The following KDM4C variants were observed in gnomAD, a reference collection of about 807,000 sequenced individuals.
KDM4C encodes lysine demethylase 4C.
KDM4C carries 81 observed loss-of-function variants against 129.3 expected under a neutral mutation model. That is an observed-to-expected ratio of 0.63 (90% CI 0.52 to 0.75). KDM4C has a LOEUF of 0.75. Ranked by LOEUF, KDM4C falls within the 30% of genes least tolerant of loss-of-function variation. The pLI, the probability that KDM4C is intolerant of heterozygous loss-of-function variation, is 0.00. For missense variants in KDM4C, 1,457 were observed against 1,304.0 expected, an observed-to-expected ratio of 1.12 and a Z score of -1.81; for synonymous variants, 573 against 456.1, an observed-to-expected ratio of 1.26 and a Z score of -3.26.
At chr9:7,048,761 C>T (rs764187052) in intron 16 of KDM4C, among the ~76,000 whole-genome samples, 3 of 152,084 alleles carry the variant, frequency 2.0e-5, no homozygotes, top group Non-Finnish European at 4.4e-5. Context: ...ACTTTAAGCA[C>T]ATACATGCAT....
At chr9:7,073,561 G>C (rs1833501371) in intron 17 of KDM4C, among the ~76,000 whole-genome samples, 1 of 152,142 alleles carries the variant, frequency 6.6e-6, no homozygotes, top group South Asian at 2.1e-4. Flanking sequence ...ATTGTTTCCA[G>C]TATTTTCCAA....
chr9:7,123,385 A>T (rs1444228415), intron 18 of KDM4C, among the ~76,000 whole-genome samples: 2 of 152,190 alleles, frequency 1.3e-5, no homozygotes, highest in Non-Finnish European at 2.9e-5. Flanking sequence ...AAAGAAAGAG[A>T]AACCAAAGAA....
chr9:7,140,699 A>G (rs1019615285), intron 19 of KDM4C, among the ~76,000 whole-genome samples: 1 of 152,202 alleles, frequency 6.6e-6, no homozygotes, highest in African/African-American at 2.4e-5. Context: ...AGCACCTACT[A>G]CATGCCACCC....
At chr9:6,889,958 C>G (rs1300126921) in intron 7 of KDM4C, among the ~76,000 whole-genome samples, 1 of 152,166 alleles carries the variant, frequency 6.6e-6, no homozygotes, top group African/African-American at 2.4e-5. Flanking sequence ...GCATTGGGCT[C>G]TCATCTGGTG....
At chr9:7,057,717 T>C (rs1033532531) in intron 17 of KDM4C, among the ~76,000 whole-genome samples, 30 of 152,232 alleles carry the variant, frequency 2.0e-4, no homozygotes, top group African/African-American at 7.0e-4. Flanking sequence ...GGAATTTTCT[T>C]TGAATGGAGG....
chr9:6,819,423 A>T (rs1042547729), intron 4 of KDM4C, among the ~76,000 whole-genome samples: 9 of 152,224 alleles, frequency 5.9e-5, no homozygotes, highest in Non-Finnish European at 1.2e-4. Flanking sequence ...ACGCAGTTTT[A>T]AAACATCCTC....
intron 2 of KDM4C, among the ~76,000 whole-genome samples, chr9:6,795,973 C>T (rs370129487): frequency 1.3e-5 from 2 of 152,126 alleles, no homozygotes; most frequent in South Asian, 4.1e-4. Flanking sequence ...CCCCTGGCCC[C>T]TTCCTAGAAA....
intron 8 of KDM4C, among the ~76,000 whole-genome samples, chr9:6,923,826 G>T (rs996027042): frequency 6.6e-6 from 1 of 152,156 alleles, no homozygotes; most frequent in East Asian, 1.9e-4. Context: ...TCTCTTTTTG[G>T]GGGCAGAGAA....
At chr9:7,039,672 C>T (rs1397175685) in intron 15 of KDM4C, among the ~76,000 whole-genome samples, 2 of 151,610 alleles carry the variant, frequency 1.3e-5, no homozygotes, top group African/African-American at 2.4e-5. Flanking sequence ...TGTATTTTTA[C>T]AATAACTTAT....
intron 4 of KDM4C, among the ~76,000 whole-genome samples, chr9:6,829,102 G>C (rs570872126): frequency 6.6e-6 from 1 of 152,342 alleles, no homozygotes; most frequent in East Asian, 1.9e-4. Context: ...GAGCTTACTG[G>C]TTAGCTTGAG....
At chr9:6,746,077 A>G (rs971311590) in intron 1 of KDM4C, among the ~76,000 whole-genome samples, 6 of 151,844 alleles carry the variant, frequency 4.0e-5, no homozygotes, top group Non-Finnish European at 8.8e-5. Context: ...AAGTGCTGGG[A>G]TTACAGGCAT....
At chr9:6,977,813 A>G (rs1466626502) in intron 8 of KDM4C, among the ~76,000 whole-genome samples, 2 of 151,942 alleles carry the variant, frequency 1.3e-5, no homozygotes, top group Non-Finnish European at 2.9e-5. Flanking sequence ...GGTTTTTTCA[A>G]TCCCCCACAA....
At chr9:6,752,981 C>T (rs144770365), upstream of KDM4C, among the ~76,000 whole-genome samples, 1 of 152,298 alleles carries the variant, frequency 6.6e-6, no homozygotes, top group East Asian at 1.9e-4. Context: ...TGGACTGAAA[C>T]CCATGCCTCA....
In KDM4C at chr9:7,165,321, A is replaced by C; in HGVS notation, c.2865A>C (p.Ala955=). Reference sequence around the variant, plus strand: ...GGCCCGATGGCAAACTCTATGGAGCAAAATATTTTGGATCAAATATTGCCC... The same window carrying C: ...GGCCCGATGGCAAACTCTATGGAGCCAAATATTTTGGATCAAATATTGCCC... ...VKWPDGKLYG[A]KYFGSNIAHM... Residue 955 remains alanine, a synonymous_variant, in exon 20 of 22, where the codon GCA becomes GCC. Transcript: ENST00000381309. 1 of 1,614,168 alleles carries C rather than the reference A, an allele frequency of 6.2e-7. No individual in the cohort carries two copies. Among genetic ancestry groups the C allele is most frequent in the Non-Finnish European group, 8.5e-7 (1 of 1,179,998 alleles).
At chr9:6,954,561 C>G (rs1589291853) in intron 8 of KDM4C, among the ~76,000 whole-genome samples, 2 of 152,234 alleles carry the variant, frequency 1.3e-5, no homozygotes, top group East Asian at 3.9e-4. Context: ...ATTGATCTAT[C>G]TATAAAATTA....
At chr9:6,825,064 C>G (rs1833666709) in intron 4 of KDM4C, among the ~76,000 whole-genome samples, 2 of 145,940 alleles carry the variant, frequency 1.4e-5, no homozygotes, top group Admixed American at 7.1e-5. Flanking sequence ...GAGAATTGCT[C>G]AAACCCAAGA....
chr9:6,864,482 C>T (rs1250661388), intron 5 of KDM4C, among the ~76,000 whole-genome samples: 6 of 152,024 alleles, frequency 3.9e-5, no homozygotes, highest in Admixed American at 3.9e-4. Flanking sequence ...TTGGGGTAAT[C>T]TTATTTGGGT....
At chr9:6,938,728 A>G (rs1243111316) in intron 8 of KDM4C, among the ~76,000 whole-genome samples, 1 of 152,110 alleles carries the variant, frequency 6.6e-6, no homozygotes, top group African/African-American at 2.4e-5. Context: ...TGTAACTTCA[A>G]ATGGTTTTTA....
exon 1 of KDM4C, chr9:6,720,884 G>T: frequency 1.4e-6 from 2 of 1,414,718 alleles, no homozygotes; most frequent in South Asian, 2.5e-5. Context: ...GATGGTCTGT[G>T]ACCTGAAAGT....
Sources: allele counts gnomAD v4.1 joint callset (sites outside exome capture counted in the v4.1 genomes callset), GRCh38; gene constraint gnomAD v4.1.1; transcripts MANE v1.5; gene names NCBI Gene and HGNC (gene_info 2026-07-23, HGNC 2026-07-21).